The following RASGEF1C variants were observed in gnomAD, a reference collection of about 807,000 sequenced individuals.
The protein encoded by RASGEF1C is ras-GEF domain-containing family member 1C.
A neutral mutation model predicts 58.1 loss-of-function variants in RASGEF1C; 27 were observed. The ratio of observed to expected loss-of-function variants is 0.46; its 90% confidence interval spans 0.34 to 0.64. The LOEUF (loss-of-function observed/expected upper bound fraction) is 0.64, where lower values mean the gene tolerates loss of function less well. RASGEF1C is among the 30% of genes least tolerant of loss of function. RASGEF1C has a pLI of 0.01. For missense variants in RASGEF1C, 502 were observed against 605.1 expected (o/e 0.83, Z 1.79); for synonymous variants, 243 against 246.3 (o/e 0.99, Z 0.13).
chr5:180,152,781 A>G (rs1766782676), intron 1 of RASGEF1C, among the ~76,000 whole-genome samples: 1 of 151,748 alleles, frequency 6.6e-6, no homozygotes, highest in Non-Finnish European at 1.5e-5. Flanking sequence ...GCGTGGTGGC[A>G]GCGCCTGTAA....
chr5:180,192,614 C>T (rs890246930), intron 1 of RASGEF1C, among the ~76,000 whole-genome samples: 6 of 152,016 alleles, frequency 3.9e-5, no homozygotes, highest in African/African-American at 9.7e-5. Context: ...ACAAATGACA[C>T]GTCAATTTCA....
At chr5:180,124,034 A>T (rs1344652466) in intron 6 of RASGEF1C, among the ~76,000 whole-genome samples, 1 of 152,156 alleles carries the variant, frequency 6.6e-6, no homozygotes, top group Admixed American at 6.5e-5. Context: ...AAAACCATTA[A>T]ATTAATAACA....
chr5:180,183,530 A>G (rs1175014712), intron 1 of RASGEF1C, among the ~76,000 whole-genome samples: 1 of 152,090 alleles, frequency 6.6e-6, no homozygotes, highest in East Asian at 1.9e-4. Flanking sequence ...ATATGAAACA[A>G]TTAAAAAATA....
chr5:180,123,488 T>G (rs1766209731), intron 6 of RASGEF1C, among the ~76,000 whole-genome samples: 1 of 152,214 alleles, frequency 6.6e-6, no homozygotes, highest in Admixed American at 6.5e-5. Context: ...ATAATCTATG[T>G]TTCAAAGATG....
intron 1 of RASGEF1C, among the ~76,000 whole-genome samples, chr5:180,151,008 A>G (rs1374551718): frequency 2.8e-4 from 42 of 150,344 alleles, no homozygotes; most frequent in African/African-American, 6.9e-4. Context: ...CCAACTTGCA[A>G]GGGATGTGAA....
intron 1 of RASGEF1C, among the ~76,000 whole-genome samples, chr5:180,192,050 C>G (rs1440662111): frequency 2.6e-5 from 4 of 152,204 alleles, no homozygotes; most frequent in African/African-American, 7.2e-5. Flanking sequence ...CAGAGTCTCT[C>G]TCTAGCTTCG....
intron 6 of RASGEF1C, among the ~76,000 whole-genome samples, chr5:180,127,126 G>T (rs1766275858): frequency 6.6e-6 from 1 of 151,422 alleles, no homozygotes; most frequent in Admixed American, 6.6e-5. Context: ...TCGAAATCCG[G>T]GTGCGTGGGC....
chr5:180,173,018 G>A (rs925274033), intron 1 of RASGEF1C, among the ~76,000 whole-genome samples: 13 of 152,132 alleles, frequency 8.5e-5, no homozygotes, highest in African/African-American at 3.1e-4. Flanking sequence ...AGCCCTTGGG[G>A]CCCTTCTGTC....
chr5:180,114,618 A>G lies in RASGEF1C; in HGVS notation c.1084-77T>C, dbSNP rs1032988841. 2.9e-6 allele frequency: 4 copies of G among 1,391,120 alleles called. No individual in the cohort carries two copies. The East Asian group carries it at 7.6e-5, about 26-fold the overall frequency. The allele number at this position is 1,391,120 out of a possible 1,614,324, so 86.2% of individuals were successfully genotyped here. On this transcript the variant is annotated intron_variant, in intron 10 of 13. Coordinates refer to ENST00000361132, the MANE Select transcript of RASGEF1C (RefSeq NM_175062.4). ...CTCCAGGACGGGGGGCAGCCTTGCC[A>G]GCAGATAGCTGCCCCAGGGACCTCA...
At chr5:180,124,098 G>A (rs1308158006) in intron 6 of RASGEF1C, among the ~76,000 whole-genome samples, 2 of 152,002 alleles carry the variant, frequency 1.3e-5, no homozygotes, top group African/African-American at 2.4e-5. Context: ...ATCAGTACAC[G>A]AAAGTCATCC....
chr5:180,113,071 A>AGGGACGGT (rs1765990208), intron 11 of RASGEF1C, among the ~76,000 whole-genome samples: 1 of 141,332 alleles, frequency 7.1e-6, no homozygotes, highest in African/African-American at 2.7e-5. Flanking sequence ...GGCTGGACGG[A>AGGGACGGT]GGGACCGGGG....
chr5:180,118,092 G>C (rs140282532), intron 10 of RASGEF1C, among the ~76,000 whole-genome samples: 58 of 152,112 alleles, frequency 3.8e-4, no homozygotes, highest in African/African-American at 1.3e-3. Flanking sequence ...TGTGATCTGA[G>C]GCCACATAAA....
chr5:180,109,382 C>T (rs563592269), intron 12 of RASGEF1C, among the ~76,000 whole-genome samples: 17 of 152,122 alleles, frequency 1.1e-4, no homozygotes, highest in South Asian at 2.1e-4. Context: ...GTCGTGAACC[C>T]GGGAGGCGGA....
Position 180,127,561 on chromosome 5 carries a change from G to A in RASGEF1C, c.714+48C>T, listed in dbSNP as rs908523238. 4 of 1,544,390 alleles carry A rather than the reference G, an allele frequency of 2.6e-6. No homozygotes were observed. The Middle Eastern group carries it at 6.2e-4, about 239-fold the overall frequency. On this transcript the variant is annotated intron_variant, in intron 6 of 13. Coordinates refer to ENST00000361132, the MANE Select transcript of RASGEF1C (RefSeq NM_175062.4). ...TCGCGGGCTCCCCGGAGAGCGGCCA[G>A]TCACTGGGTGAGGCTCACTTTTGGG...
intron 1 of RASGEF1C, among the ~76,000 whole-genome samples, chr5:180,199,410 A>G (rs1173652145): frequency 1.3e-5 from 2 of 152,150 alleles, no homozygotes; most frequent in Non-Finnish European, 2.9e-5. Flanking sequence ...AAAGGACACT[A>G]AACAACTAAC....
At chr5:180,150,664 G>A (rs926665941) in intron 1 of RASGEF1C, among the ~76,000 whole-genome samples, 4 of 152,088 alleles carry the variant, frequency 2.6e-5, no homozygotes, top group African/African-American at 9.7e-5. Context: ...CTGTCTCTGG[G>A]ATGCCCTCTC....
At chr5:180,125,869 A>G (rs1766248124) in intron 6 of RASGEF1C, among the ~76,000 whole-genome samples, 1 of 152,330 alleles carries the variant, frequency 6.6e-6, no homozygotes, top group Admixed American at 6.5e-5. Context: ...GGGGTCCTTA[A>G]TAATTTTTAA....
intron 11 of RASGEF1C, among the ~76,000 whole-genome samples, chr5:180,114,101 C>A (rs114050830): frequency 1.3e-5 from 2 of 152,282 alleles, no homozygotes; most frequent in East Asian, 1.9e-4. Context: ...CTGGTCCTGA[C>A]CCCCAGGGCA....
At chr5:180,128,130 A>G (rs1325577010) in intron 5 of RASGEF1C, among the ~76,000 whole-genome samples, 1 of 152,172 alleles carries the variant, frequency 6.6e-6, no homozygotes, top group African/African-American at 2.4e-5. Context: ...CAGGTGATGG[A>G]GACATGAGCG....
Sources: allele counts gnomAD v4.1 joint callset (sites outside exome capture counted in the v4.1 genomes callset), GRCh38; gene constraint gnomAD v4.1.1; transcripts MANE v1.5; gene names NCBI Gene and HGNC (gene_info 2026-07-23, HGNC 2026-07-21).